ZNF577: variants seen among roughly 807,000 people sequenced by gnomAD.
The protein encoded by ZNF577 is zinc finger protein 577.
ZNF577 carries 14 observed loss-of-function variants against 13.9 expected under a neutral mutation model. The observed-to-expected ratio is 1.00, with a 90% CI of 0.66 to 1.57. ZNF577 has a LOEUF of 1.57. Ranked by LOEUF, ZNF577 falls within the 40% of genes most tolerant of loss-of-function variation. The pLI is 0.00. For synonymous variants in ZNF577, 203 were observed against 202.9 expected, an observed-to-expected ratio of 1.00 and a Z score of 0.00; for missense variants, 555 against 579.2, an observed-to-expected ratio of 0.96 and a Z score of 0.43.
At chr19:51,857,911 G>A (rs942524899) in intron 5 of ZNF577, among the ~76,000 whole-genome samples, 1 of 151,646 alleles carries the variant, frequency 6.6e-6, no homozygotes, top group Non-Finnish European at 1.5e-5. Context: ...TGGGCTCAAG[G>A]GATCCTCCAA....
intron 9 of ZNF577, among the ~76,000 whole-genome samples, chr19:51,817,103 T>C (rs1012610052): frequency 6.6e-6 from 1 of 152,122 alleles, no homozygotes; most frequent in South Asian, 2.1e-4. Flanking sequence ...TTCAGACACA[T>C]AGGTTTCTAA....
rs976904611 is a variant in ZNF577 at position 51,868,983 on chromosome 19, C to A, written c.*3549G>T. Among the ~76,000 whole-genome samples, 1 of 152,162 alleles carries A rather than the reference C, an allele frequency of 6.6e-6. No homozygotes were observed. Among genetic ancestry groups the A allele is most frequent in the East Asian group, 1.9e-4 (1 of 5,188 alleles). On this transcript the variant is annotated 3_prime_UTR_variant, in exon 6 of 6. Transcript: ENST00000638348. The stretch of plus-strand genomic sequence containing the variant: ...TCACCATTCTCCAGTCTCGAGTACC[C>A]AGGGACACAATGCACTGCGGAAGGC...
intron 1 of ZNF577, among the ~76,000 whole-genome samples, chr19:51,882,489 A>C (rs572570927): frequency 1.3e-5 from 2 of 152,068 alleles, no homozygotes; most frequent in Admixed American, 6.5e-5. Flanking sequence ...TAAAAAAAAA[A>C]AAAAAACTAG....
chr19:51,804,468 C>T (rs888214271), downstream of ZNF577, among the ~76,000 whole-genome samples: 9 of 151,920 alleles, frequency 5.9e-5, no homozygotes, highest in African/African-American at 1.4e-4. Flanking sequence ...AATATATAAC[C>T]GCATCAAAAC....
chr19:51,831,092 TAAGTAATTA>T (rs985391394), intron 9 of ZNF577, among the ~76,000 whole-genome samples: 6 of 152,038 alleles, frequency 3.9e-5, no homozygotes, highest in Admixed American at 1.3e-4. Context: ...GTCCCAAATA[TAAGTAATTA>T]TTGATTCTTT....
chr19:51,848,357 T>C (rs1161269226), intron 5 of ZNF577, among the ~76,000 whole-genome samples: 1 of 152,158 alleles, frequency 6.6e-6, no homozygotes, highest in Non-Finnish European at 1.5e-5. Flanking sequence ...TTAGGAAGCT[T>C]GTACAGCTAA....
At position 51,871,574 on chromosome 19, in the gene ZNF577, A is replaced by G. The variant is rs2122651974; in HGVS notation, c.*958T>C. On this transcript the variant is annotated 3_prime_UTR_variant, in exon 6 of 6. Coordinates refer to ENST00000638348, the MANE Select transcript of ZNF577 (RefSeq NM_001370449.1). ...AAGAGCATCTATAATGCTCACATAT[A>G]ACAATCATAGCATAAGATTCTCTGA... is the stretch of plus-strand genomic sequence containing the variant. 6.6e-6 allele frequency: 1 copy of G among 152,328 alleles called. No homozygotes were observed. The highest frequency in any genetic ancestry group is 1.9e-4 in the East Asian group (1 of 5,190). 9.4% of individuals were successfully genotyped at this position (152,328 alleles called of 1,614,324 possible). A position where few individuals can be genotyped will look rare whatever the true frequency, so the allele number is the denominator to read the frequency against.
At chr19:51,884,608 T>C (rs959643794) in intron 1 of ZNF577, among the ~76,000 whole-genome samples, 8 of 151,836 alleles carry the variant, frequency 5.3e-5, no homozygotes, top group Admixed American at 1.3e-4. Flanking sequence ...CTAACAATTA[T>C]ATAAAACCAG....
Position 51,825,837 on chromosome 19 carries a change from G to A in ZNF577, c.*599+14056C>T, listed in dbSNP as rs189720069. 1,547 of 167,174 alleles carry A rather than the reference G, an allele frequency of 9.3e-3. 14 individuals are homozygous for A. The highest frequency in any genetic ancestry group is 0.018 in the Admixed American group (269 of 15,300). The allele number at this position is 167,174 out of a possible 1,614,324, so 10.4% of individuals were successfully genotyped here. A position where few individuals can be genotyped will look rare whatever the true frequency, so the allele number is the denominator to read the frequency against. ...ATATCCTGAGACTAAGTGGAAGTGGGAAAAGAGTACAAGAGAAGAGACAAA... is the reference window on the plus strand; with the variant it reads ...ATATCCTGAGACTAAGTGGAAGTGGAAAAAGAGTACAAGAGAAGAGACAAA... On this transcript the variant is annotated intron_variant and NMD_transcript_variant, in intron 9 of 10. Transcript: ENST00000638827.
At chr19:51,829,371 C>A (rs544624160) in intron 9 of ZNF577, among the ~76,000 whole-genome samples, 1 of 152,036 alleles carries the variant, frequency 6.6e-6, no homozygotes, top group East Asian at 1.9e-4. Context: ...CCCCACCCCC[C>A]AAGACAGCAG....
chr19:51,807,079 G>A (rs1568428234), intron 10 of ZNF577, among the ~76,000 whole-genome samples: 3 of 152,322 alleles, frequency 2.0e-5, no homozygotes, highest in East Asian at 1.9e-4. Flanking sequence ...CAAAGGGGAC[G>A]AGCGTGGGAA....
chr19:51,882,360 C>G (rs923057744), intron 1 of ZNF577, among the ~76,000 whole-genome samples: 1 of 151,802 alleles, frequency 6.6e-6, no homozygotes, highest in African/African-American at 2.4e-5. Context: ...TAAGGATAAT[C>G]TGGATTTCCT....
chr19:51,811,698 GGAATAAAA>G (rs1683460425), intron 9 of ZNF577: 1 of 152,174 alleles, frequency 6.6e-6, no homozygotes, highest in African/African-American at 2.4e-5. Flanking sequence ...GATGAACACG[GGAATAAAA>G]GACAAGAGAC....
chr19:51,857,520 C>A (rs116206075), intron 5 of ZNF577, among the ~76,000 whole-genome samples: 1,896 of 152,224 alleles, frequency 0.012, 39 homozygotes, highest in African/African-American at 0.044. Context: ...AATTTCATAT[C>A]TTGGTAGAAT....
chr19:51,835,494 C>T (rs975237313), intron 9 of ZNF577, among the ~76,000 whole-genome samples: 2 of 150,944 alleles, frequency 1.3e-5, no homozygotes, highest in Non-Finnish European at 2.9e-5. Flanking sequence ...ATCAGTCTTA[C>T]AAGAAACACT....
At chr19:51,820,889 C>T (rs1158546174) in intron 9 of ZNF577, among the ~76,000 whole-genome samples, 1 of 152,198 alleles carries the variant, frequency 6.6e-6, no homozygotes, top group African/African-American at 2.4e-5. Flanking sequence ...AGTGCTCACA[C>T]AGATTAACAC....
intron 5 of ZNF577, among the ~76,000 whole-genome samples, chr19:51,858,192 G>A (rs139845846): frequency 2.0e-5 from 3 of 152,270 alleles, no homozygotes; most frequent in South Asian, 2.1e-4. Context: ...CCATGGGCAC[G>A]TTACCCTCTC....
At chr19:51,848,258 C>T (rs941190795) in intron 5 of ZNF577, among the ~76,000 whole-genome samples, 5 of 152,284 alleles carry the variant, frequency 3.3e-5, no homozygotes, top group Non-Finnish European at 5.9e-5. Flanking sequence ...AAAATGGCTG[C>T]GCCCACGCTG....
At chr19:51,837,975 T>C (rs1029632997) in intron 9 of ZNF577, among the ~76,000 whole-genome samples, 2 of 152,186 alleles carry the variant, frequency 1.3e-5, no homozygotes, top group African/African-American at 4.8e-5. Context: ...AGCCAGCTTC[T>C]TCCCCCATCT....
Sources: gnomAD v4.1 joint callset for allele counts (sites outside exome capture counted in the v4.1 genomes callset) on GRCh38, gnomAD v4.1.1 for gene constraint, MANE v1.5 for transcripts, NCBI Gene and HGNC (gene_info 2026-07-23, HGNC 2026-07-21) for gene names.